PTPRD: variants seen among roughly 807,000 people sequenced by gnomAD.
PTPRD encodes the protein receptor-type tyrosine-protein phosphatase delta.
PTPRD carries 34 observed loss-of-function variants against 214.5 expected under a neutral mutation model. That is an observed-to-expected ratio of 0.16 (90% CI 0.12 to 0.21). The LOEUF (loss-of-function observed/expected upper bound fraction) is 0.21, where lower values mean the gene tolerates loss of function less well. Ranked by LOEUF, PTPRD falls within the 10% of genes least tolerant of loss-of-function variation. The probability of loss-of-function intolerance (pLI) is 1.00; values close to 1 mark genes in which losing one functional copy is unlikely to be tolerated. For missense variants in PTPRD, 2,545 were observed against 2,398.7 expected (o/e 1.06, Z -1.27); for synonymous variants, 1,128 against 845.7 (o/e 1.33, Z -5.79).
At chr9:9,183,100 T>C (rs893471777) in intron 10 of PTPRD, among the ~76,000 whole-genome samples, 1 of 152,092 alleles carries the variant, frequency 6.6e-6, no homozygotes. Flanking sequence ...GATTTCTTAG[T>C]TATTCTATTG....
At chr9:9,772,369 C>A (rs560919146) in intron 5 of PTPRD, among the ~76,000 whole-genome samples, 4 of 152,296 alleles carry the variant, frequency 2.6e-5, no homozygotes, top group African/African-American at 7.2e-5. Flanking sequence ...TTTTCTATGG[C>A]AGTTCTAGTA....
intron 7 of PTPRD, among the ~76,000 whole-genome samples, chr9:9,651,826 GTTT>G (rs869105633): frequency 3.2e-3 from 174 of 55,060 alleles, no homozygotes; most frequent in African/African-American, 0.013. Context: ...TTCAAGGTTT[GTTT>G]TTTTTTTTTT....
intron 11 of PTPRD, among the ~76,000 whole-genome samples, chr9:8,878,260 T>G (rs191445168): frequency 5.3e-5 from 8 of 152,256 alleles, no homozygotes; most frequent in Admixed American, 5.2e-4. Flanking sequence ...TGTCCTTCTG[T>G]GTAATTCTTC....
chr9:8,436,675 G>C lies in PTPRD; in HGVS notation c.4003C>G (p.Pro1335Ala). Residue 1335 changes from proline (P) to alanine (A), a missense_variant, in exon 35 of 46, where the codon CCT becomes GCT. Transcript: ENST00000381196. ...GCAAGTTCCAAGATGGGTATTGGAG[G>C]ATGGCTAGCCATACCTATTGAAAAA... ...NFQTPGMASH[P>A]PIPILELADH... 6.2e-7 allele frequency: 1 copy of C among 1,612,710 alleles called. No homozygotes were observed. Among genetic ancestry groups the C allele is most frequent in the Non-Finnish European group, 8.5e-7 (1 of 1,179,252 alleles).
intron 2 of PTPRD, among the ~76,000 whole-genome samples, chr9:10,386,056 G>A (rs561600587): frequency 2.7e-5 from 4 of 150,650 alleles, no homozygotes; most frequent in South Asian, 2.1e-4. Context: ...CCAATTTTTC[G>A]AACTGTTTTT....
chr9:9,192,864 G>C (rs1443481326), intron 9 of PTPRD, among the ~76,000 whole-genome samples: 1 of 152,074 alleles, frequency 6.6e-6, no homozygotes, highest in Non-Finnish European at 1.5e-5. Context: ...ATAAGCTGCA[G>C]CGTATGTTCC....
chr9:9,953,277 G>A (rs984152734), intron 4 of PTPRD, among the ~76,000 whole-genome samples: 4 of 152,052 alleles, frequency 2.6e-5, no homozygotes, highest in African/African-American at 9.7e-5. Context: ...AGGCCTCATC[G>A]AATCAGTTAT....
intron 2 of PTPRD, among the ~76,000 whole-genome samples, chr9:10,442,540 C>G (rs1399008174): frequency 6.6e-6 from 1 of 151,588 alleles, no homozygotes; most frequent in Non-Finnish European, 1.5e-5. Context: ...AAAGGGATCT[C>G]TGATTTGCTT....
At chr9:10,587,122 G>A (rs1207930200) in intron 2 of PTPRD, among the ~76,000 whole-genome samples, 1 of 152,010 alleles carries the variant, frequency 6.6e-6, no homozygotes, top group Non-Finnish European at 1.5e-5. Context: ...AGTGGTGAAG[G>A]TGTAATCATG....
intron 2 of PTPRD, among the ~76,000 whole-genome samples, chr9:10,590,714 C>G (rs1338589713): frequency 6.6e-6 from 1 of 151,814 alleles, no homozygotes; most frequent in Non-Finnish European, 1.5e-5. Flanking sequence ...CATTCTCCAT[C>G]AAATTCATTT....
intron 3 of PTPRD, among the ~76,000 whole-genome samples, chr9:10,280,903 C>T (rs906401866): frequency 2.6e-5 from 4 of 152,122 alleles, no homozygotes; most frequent in Non-Finnish European, 4.4e-5. Flanking sequence ...GTGTGAGCCA[C>T]ATGCACCAGG....
chr9:9,103,299 GT>G (rs998275162), intron 10 of PTPRD, among the ~76,000 whole-genome samples: 3 of 150,502 alleles, frequency 2.0e-5, no homozygotes, highest in African/African-American at 4.9e-5. Context: ...GTTTTTGTTT[GT>G]TTTTTTTTCC....
At chr9:8,940,504 G>A (rs1031609992) in intron 11 of PTPRD, among the ~76,000 whole-genome samples, 1 of 144,710 alleles carries the variant, frequency 6.9e-6, no homozygotes, top group Non-Finnish European at 1.5e-5. Context: ...TGTTGGCCAG[G>A]CTGGTTTTGA....
chr9:9,019,074 C>G (rs73640985), intron 10 of PTPRD, among the ~76,000 whole-genome samples: 1,860 of 151,986 alleles, frequency 0.012, 33 homozygotes, highest in African/African-American at 0.042. Context: ...TCAATAAAAA[C>G]AAACTTGTGC....
intron 43 of PTPRD, among the ~76,000 whole-genome samples, chr9:8,338,187 C>G (rs1193304443): frequency 6.6e-6 from 1 of 152,078 alleles, no homozygotes; most frequent in African/African-American, 2.4e-5. Flanking sequence ...GTTCCAAACA[C>G]AAGGCAGGTC....
intron 8 of PTPRD, among the ~76,000 whole-genome samples, chr9:9,455,983 A>G (rs1447456285): frequency 2.6e-5 from 4 of 151,776 alleles, no homozygotes; most frequent in African/African-American, 9.7e-5. Flanking sequence ...TAACCCATTA[A>G]TATTACTACT....
chr9:9,925,508 GCTTCA>G (rs1361327808), intron 5 of PTPRD, among the ~76,000 whole-genome samples: 2 of 151,720 alleles, frequency 1.3e-5, no homozygotes, highest in African/African-American at 2.4e-5. Flanking sequence ...AAGAATATGT[GCTTCA>G]CTTCACATTA....
At chr9:8,820,287 C>G (rs2097024521) in intron 11 of PTPRD, among the ~76,000 whole-genome samples, 2 of 152,124 alleles carry the variant, frequency 1.3e-5, no homozygotes, top group Non-Finnish European at 1.5e-5. Flanking sequence ...GGTCACTCAG[C>G]TAGTTAAGTG....
Position 8,497,277 on chromosome 9 carries a change from G to A in PTPRD, c.2323-9C>T. 6.3e-7 allele frequency: 1 copy of A among 1,592,508 alleles called. No individual in the cohort carries two copies. Among genetic ancestry groups the A allele is most frequent in the Non-Finnish European group, 8.5e-7 (1 of 1,171,476 alleles). On this transcript the variant is annotated splice_polypyrimidine_tract_variant and intron_variant, in intron 25 of 45. Coordinates refer to ENST00000381196, the MANE Select transcript of PTPRD (RefSeq NM_002839.4). The stretch of plus-strand genomic sequence containing the variant: ...GTATCATCAAATTCCCACTGATTGA[G>A]AATAAGAAGGTTGGGAGGAAAACAA...
Sources: gnomAD v4.1 joint callset for allele counts (sites outside exome capture counted in the v4.1 genomes callset) on GRCh38, gnomAD v4.1.1 for gene constraint, MANE v1.5 for transcripts, NCBI Gene and HGNC (gene_info 2026-07-23, HGNC 2026-07-21) for gene names.